LRBA: variants seen among roughly 807,000 people sequenced by gnomAD.
LRBA encodes the protein lipopolysaccharide-responsive and beige-like anchor protein.
In LRBA, 176 loss-of-function variants were observed where a neutral mutation model predicts 330.0. That is an observed-to-expected ratio of 0.53 (90% confidence interval 0.47 to 0.60). The LOEUF (loss-of-function observed/expected upper bound fraction) is 0.60. Ranked by LOEUF, LRBA falls within the 20% of genes least tolerant of loss-of-function variation. The probability of loss-of-function intolerance (pLI) is 0.00; values close to 1 mark genes in which losing one functional copy is unlikely to be tolerated. For synonymous variants in LRBA, 1,230 were observed against 1,193.0 expected (o/e 1.03, Z -0.64); for missense variants, 3,259 against 3,444.8 (o/e 0.95, Z 1.35).
In LRBA at chr4:150,310,380, G is replaced by T; in HGVS notation, c.7698C>A (p.Ser2566Arg). The change falls in exon 52 of 57, where the codon AGC becomes AGA. Residue 2566 changes from serine (S) to arginine (R), a missense_variant. By Grantham distance (110) the Ser-to-Arg change is moderately radical. Transcript: ENST00000651943. ...TTTGCCTCCTGTGCATTCCTGTATT[G>T]CTGGCTGTAAGAATAGGGAGGAAAA... ...LPVEIDPLIA[S>R]NTGMHRRQIT... is the part of the protein sequence containing the mutation. 1 of 1,611,630 alleles carries T rather than the reference G, an allele frequency of 6.2e-7. No individual in the cohort carries two copies.
chr4:150,592,583 A>G (rs1259618358), intron 38 of LRBA, among the ~76,000 whole-genome samples: 1 of 152,106 alleles, frequency 6.6e-6, no homozygotes, highest in Admixed American at 6.5e-5. Flanking sequence ...TGGTCTGGAC[A>G]TATGTTTGAA....
chr4:150,441,604 C>T (rs1324927392), intron 44 of LRBA, among the ~76,000 whole-genome samples: 1 of 151,976 alleles, frequency 6.6e-6, no homozygotes, highest in African/African-American at 2.4e-5. Flanking sequence ...AAGAATACCA[C>T]CTCCAGCTTA....
At chr4:150,878,862 A>ATTT (rs761864448) in intron 17 of LRBA, among the ~76,000 whole-genome samples, 1 of 140,812 alleles carries the variant, frequency 7.1e-6, no homozygotes. Context: ...TGGTCCAGGA[A>ATTT]TTTTTTTTTT....
chr4:150,265,854 G>T, intron 56 of LRBA, 42 bp from the exon 57 acceptor site: 1 of 1,251,942 alleles, frequency 8.0e-7, no homozygotes, highest in Non-Finnish European at 1.2e-6. Flanking sequence ...AAACCTGTGT[G>T]TCCTAGAGAT....
chr4:150,521,710 A>C (rs1762938507), intron 40 of LRBA, among the ~76,000 whole-genome samples: 1 of 152,232 alleles, frequency 6.6e-6, no homozygotes, highest in Non-Finnish European at 1.5e-5. Context: ...TAAAGAATAC[A>C]ATCTCTGTTA....
intron 40 of LRBA, among the ~76,000 whole-genome samples, chr4:150,550,022 T>C (rs1432229619): frequency 6.6e-6 from 1 of 152,178 alleles, no homozygotes; most frequent in Non-Finnish European, 1.5e-5. Flanking sequence ...AATAAAAAAA[T>C]ACAAACTAGT....
At chr4:150,861,725 T>C (rs1457153065) in intron 22 of LRBA, among the ~76,000 whole-genome samples, 1 of 152,162 alleles carries the variant, frequency 6.6e-6, no homozygotes, top group Non-Finnish European at 1.5e-5. Context: ...CAGCTTACTG[T>C]AACATTTTAA....
chr4:150,282,331 T>G (rs1747637357), intron 55 of LRBA, 119 bp downstream of exon 55: 1 of 838,246 alleles, frequency 1.2e-6, no homozygotes, highest in Non-Finnish European at 1.9e-6. Context: ...TTTGTTGGTA[T>G]GGAAAAGAGG....
At chr4:150,754,214 T>C (rs1733950817) in intron 35 of LRBA, among the ~76,000 whole-genome samples, 1 of 145,298 alleles carries the variant, frequency 6.9e-6, no homozygotes, top group Non-Finnish European at 1.5e-5. Flanking sequence ...AAATAAAAAA[T>C]GACCTGACCA....
chr4:150,445,389 A>C (rs374539269), intron 44 of LRBA, among the ~76,000 whole-genome samples: 10,974 of 110,022 alleles, frequency 0.1, 355 homozygotes, highest in African/African-American at 0.13. Context: ...ATATATATAT[A>C]TATATATATA....
Position 150,365,778 on chromosome 4 carries a change from T to C in LRBA, c.7195-15619A>G, listed in dbSNP as rs867433787. Among the ~76,000 whole-genome samples the C allele has an allele frequency of 9.6e-5, 12 of 125,544 alleles. No individual in the cohort carries two copies. The South Asian group carries it at 2.8e-3, about 29-fold the overall frequency. The allele number at this position is 125,544 out of a possible 152,430, so 82.4% of individuals were successfully genotyped here. ...TGCACTCCAGCCTGGGTAACAAGAG[T>C]GAAACTCTGTCTCAAAAAAAAAAAA... On this transcript the variant is annotated intron_variant, in intron 47 of 56. Transcript: ENST00000651943.
intron 34 of LRBA, among the ~76,000 whole-genome samples, chr4:150,787,946 G>C (rs1291187395): frequency 1.3e-5 from 2 of 152,104 alleles, no homozygotes; most frequent in African/African-American, 4.8e-5. Flanking sequence ...CTTTCTTTTG[G>C]ATATATACCC....
At chr4:150,685,414 A>T (rs1476041484) in intron 36 of LRBA, among the ~76,000 whole-genome samples, 1 of 19,388 alleles carries the variant, frequency 5.2e-5, no homozygotes, top group East Asian at 1.6e-3. Context: ...ATATATATAT[A>T]TATATATTTT....
intron 2 of LRBA, among the ~76,000 whole-genome samples, chr4:150,989,836 T>A (rs1741873552): frequency 6.7e-6 from 1 of 149,832 alleles, no homozygotes; most frequent in South Asian, 2.1e-4. Context: ...ATCAGAGAAA[T>A]AAGCCAGGCA....
intron 37 of LRBA, among the ~76,000 whole-genome samples, chr4:150,674,817 G>A (rs1005320148): frequency 6.6e-6 from 1 of 152,190 alleles, no homozygotes; most frequent in Admixed American, 6.5e-5. Context: ...CAGGGCTTCA[G>A]TGAGCCATGT....
intron 37 of LRBA, among the ~76,000 whole-genome samples, chr4:150,622,133 T>A (rs532010298): frequency 2.1e-4 from 32 of 152,350 alleles, no homozygotes; most frequent in Admixed American, 3.9e-4. Flanking sequence ...GGAGGCAACA[T>A]GTTTAAAAAC....
At chr4:150,655,911 G>A (rs1780141718) in intron 37 of LRBA, among the ~76,000 whole-genome samples, 1 of 152,050 alleles carries the variant, frequency 6.6e-6, no homozygotes. Flanking sequence ...ATTGTGTTGG[G>A]GGGTATTTAT....
At chr4:150,406,726 G>A (rs1223903716) in intron 47 of LRBA, among the ~76,000 whole-genome samples, 3 of 152,090 alleles carry the variant, frequency 2.0e-5, no homozygotes, top group African/African-American at 7.2e-5. Context: ...CTACTCCCTG[G>A]AATCTGTAAA....
chr4:150,499,283 A>G (rs1759955488), intron 40 of LRBA, among the ~76,000 whole-genome samples: 1 of 152,204 alleles, frequency 6.6e-6, no homozygotes, highest in African/African-American at 2.4e-5. Flanking sequence ...GATTGAAAAT[A>G]TTCCCAATTA....
Sources: gnomAD v4.1 joint callset for allele counts (sites outside exome capture counted in the v4.1 genomes callset) on GRCh38, gnomAD v4.1.1 for gene constraint, MANE v1.5 for transcripts, NCBI Gene and HGNC (gene_info 2026-07-23, HGNC 2026-07-21) for gene names.